The following WWP2 variants were observed in gnomAD, a reference collection of about 807,000 sequenced individuals.
The protein encoded by WWP2 is WW domain containing E3 ubiquitin protein ligase 2.
WWP2 carries 57 observed loss-of-function variants against 121.0 expected under a neutral mutation model. The ratio of observed to expected loss-of-function variants is 0.47; its 90% CI spans 0.38 to 0.59. The LOEUF (loss-of-function observed/expected upper bound fraction) is 0.59. Ranked by LOEUF, WWP2 falls within the 20% of genes least tolerant of loss-of-function variation. The pLI is 0.00. For synonymous variants in WWP2, 449 were observed against 441.3 expected (o/e 1.02, Z -0.22); for missense variants, 962 against 1,158.9 (o/e 0.83, Z 2.47).
At chr16:69,938,798 C>T (rs1243018562) in intron 21 of WWP2, among the ~76,000 whole-genome samples, 2 of 152,178 alleles carry the variant, frequency 1.3e-5, no homozygotes, top group African/African-American at 2.4e-5. Flanking sequence ...CTGAGGTGTC[C>T]CTGAGACCCA....
intron 1 of WWP2, among the ~76,000 whole-genome samples, chr16:69,771,952 C>CTTTT (rs56376857): frequency 9.0e-5 from 5 of 55,826 alleles, no homozygotes; most frequent in African/African-American, 1.3e-4. Flanking sequence ...TCTTTTTAGT[C>CTTTT]TTTTTTTTTT....
intron 5 of WWP2, among the ~76,000 whole-genome samples, chr16:69,841,195 G>A (rs2056971047): frequency 6.6e-6 from 1 of 152,218 alleles, no homozygotes; most frequent in Non-Finnish European, 1.5e-5. Context: ...CCTTGATGAG[G>A]GCAGGGGAAG....
chr16:69,793,558 A>G (rs925150164), intron 2 of WWP2, among the ~76,000 whole-genome samples: 1 of 151,828 alleles, frequency 6.6e-6, no homozygotes, highest in Admixed American at 6.6e-5. Context: ...TGGGGATGAG[A>G]TTATAGAGGT....
intron 4 of WWP2, among the ~76,000 whole-genome samples, chr16:69,807,639 A>AAG (rs2056308447): frequency 6.7e-6 from 1 of 150,062 alleles, no homozygotes; most frequent in African/African-American, 2.4e-5. Flanking sequence ...AAAAAAAAAA[A>AAG]AAAAAGAAAA....
intron 8 of WWP2, among the ~76,000 whole-genome samples, chr16:69,893,552 GT>G (rs149281767): frequency 2.6e-5 from 4 of 151,488 alleles, no homozygotes; most frequent in Admixed American, 1.3e-4. Context: ...TCAGAATGCT[GT>G]TTTTTTTGTT....
chr16:69,826,780 CA>C (rs977160252), intron 4 of WWP2, among the ~76,000 whole-genome samples: 3 of 146,340 alleles, frequency 2.1e-5, no homozygotes, highest in Admixed American at 6.8e-5. Context: ...AATAAAAATA[CA>C]AAAAAAAATT....
At chr16:69,908,629 T>C in intron 8 of WWP2, 132 bp from the exon 9 acceptor site, 1 of 1,505,400 alleles carries the variant, frequency 6.6e-7, no homozygotes, top group South Asian at 1.3e-5. Flanking sequence ...GCTTCGCCAT[T>C]GGGTCGGCCT....
rs563432029 is a variant in WWP2, at chr16:69,812,492, T to A, written c.340+13197T>A. Among the ~76,000 whole-genome samples, 282 of 145,808 alleles carry A rather than the reference T, an allele frequency of 1.9e-3. 2 individuals carry two copies. Among genetic ancestry groups the A allele is most frequent in the African/African-American group, 7.1e-3 (276 of 38,856 alleles). On this transcript the variant is annotated intron_variant, in intron 4 of 23. Coordinates refer to ENST00000359154, the MANE Select transcript of WWP2 (RefSeq NM_001270454.2). ...AACCCCCCCCCTTTTTTTTTTTTTTTAATTGAGACAGAGTCTGGCTCTGTG... is the reference window on the plus strand; with the variant it reads ...AACCCCCCCCCTTTTTTTTTTTTTTAAATTGAGACAGAGTCTGGCTCTGTG...
At chr16:69,820,220 G>T (rs1039939596) in intron 4 of WWP2, among the ~76,000 whole-genome samples, 5 of 152,062 alleles carry the variant, frequency 3.3e-5, no homozygotes, top group Non-Finnish European at 7.4e-5. Flanking sequence ...GTGACAGAGT[G>T]GGACCCCTGT....
chr16:69,819,217 C>T (rs1279608109), intron 4 of WWP2, among the ~76,000 whole-genome samples: 1 of 152,240 alleles, frequency 6.6e-6, no homozygotes, highest in East Asian at 1.9e-4. Context: ...GGTCTCCCTG[C>T]ATCTGCTGTT....
intron 8 of WWP2, among the ~76,000 whole-genome samples, chr16:69,898,955 C>T (rs1017248842): frequency 2.0e-5 from 3 of 152,302 alleles, no homozygotes; most frequent in South Asian, 2.1e-4. Context: ...CCACCTGCCT[C>T]GGCCTCCCAA....
chr16:69,850,290 G>C (rs2057180088), intron 6 of WWP2, among the ~76,000 whole-genome samples: 1 of 151,826 alleles, frequency 6.6e-6, no homozygotes, highest in Non-Finnish European at 1.5e-5. Context: ...GGGAGGCTGA[G>C]GCAGGAGAAT....
intron 1 of WWP2, among the ~76,000 whole-genome samples, chr16:69,777,803 A>T (rs189190035): frequency 1.3e-5 from 2 of 150,762 alleles, no homozygotes; most frequent in African/African-American, 4.9e-5. Context: ...GTGGTGGCTC[A>T]TGCTTGTAAT....
chr16:69,922,637 G>A (rs549729931), intron 10 of WWP2, among the ~76,000 whole-genome samples: 58 of 152,302 alleles, frequency 3.8e-4, no homozygotes, highest in African/African-American at 1.2e-3. Flanking sequence ...AGGGGCAGCC[G>A]GTTGGCTCAT....
chr16:69,830,588 T>G (rs7194806), intron 4 of WWP2, among the ~76,000 whole-genome samples: 1 of 152,068 alleles, frequency 6.6e-6, no homozygotes, highest in African/African-American at 2.4e-5. Context: ...GAGTTCTCAT[T>G]ACATTCTGGG....
chr16:69,900,124 C>G (rs2058180227), intron 8 of WWP2, among the ~76,000 whole-genome samples: 1 of 152,136 alleles, frequency 6.6e-6, no homozygotes, highest in South Asian at 2.1e-4. Context: ...ATTTTTGACA[C>G]CTAATTATTT....
At chr16:69,791,473 C>T (rs1364417749) in intron 2 of WWP2, among the ~76,000 whole-genome samples, 1 of 152,158 alleles carries the variant, frequency 6.6e-6, no homozygotes, top group African/African-American at 2.4e-5. Flanking sequence ...GGTGATCCAC[C>T]CACCTCGGCC....
chr16:69,821,834 A>T (rs1246939968), intron 4 of WWP2, among the ~76,000 whole-genome samples: 1 of 149,492 alleles, frequency 6.7e-6, no homozygotes, highest in East Asian at 2.0e-4. Context: ...CTGGGATTAT[A>T]GGCGTGAGCC....
intron 7 of WWP2, among the ~76,000 whole-genome samples, chr16:69,872,221 C>CT (rs542156678): frequency 0.036 from 5,206 of 146,322 alleles, 232 homozygotes; most frequent in African/African-American, 0.11. Context: ...AAAGAAATGT[C>CT]TTTTTTTTTT....
Sources: gnomAD v4.1 joint callset for allele counts (sites outside exome capture counted in the v4.1 genomes callset) on GRCh38, gnomAD v4.1.1 for gene constraint, MANE v1.5 for transcripts, NCBI Gene and HGNC (gene_info 2026-07-23, HGNC 2026-07-21) for gene names.